CPS1: variants seen among roughly 807,000 people sequenced by gnomAD.
The protein encoded by CPS1 is carbamoyl-phosphate synthase 1.
In CPS1, 109 loss-of-function variants were observed where a neutral mutation model predicts 174.6. That is an observed-to-expected ratio of 0.62 (90% CI 0.53 to 0.73). The LOEUF (loss-of-function observed/expected upper bound fraction) is 0.73. Ranked by LOEUF, CPS1 falls within the 30% of genes least tolerant of loss-of-function variation. The pLI is 0.00. For synonymous variants in CPS1, 637 were observed against 632.0 expected, an observed-to-expected ratio of 1.01 and a Z score of -0.12; for missense variants, 1,689 against 1,821.9, an observed-to-expected ratio of 0.93 and a Z score of 1.33.
intron 28 of CPS1, among the ~76,000 whole-genome samples, chr2:210,651,969 T>A (rs1389195189): frequency 6.6e-6 from 1 of 152,196 alleles, no homozygotes; most frequent in African/African-American, 2.4e-5. Context: ...TACAATTAAA[T>A]ATGATGAGCA....
chr2:210,620,687 A>G (rs1208491740), intron 21 of CPS1, among the ~76,000 whole-genome samples: 1 of 152,012 alleles, frequency 6.6e-6, no homozygotes, highest in Non-Finnish European at 1.5e-5. Context: ...GGGAGGTGCC[A>G]CATACTTTCA....
At chr2:210,641,930 C>A (rs569245881) in intron 24 of CPS1, among the ~76,000 whole-genome samples, 1 of 152,298 alleles carries the variant, frequency 6.6e-6, no homozygotes, top group South Asian at 2.1e-4. Flanking sequence ...GAAGGTCACT[C>A]ACTCTGCATG....
At chr2:210,578,656 G>A (rs1168612563) in intron 4 of CPS1, among the ~76,000 whole-genome samples, 1 of 152,014 alleles carries the variant, frequency 6.6e-6, no homozygotes, top group Non-Finnish European at 1.5e-5. Context: ...CTTGATCCTG[G>A]CTCTTTAGAT....
chr2:210,607,075 A>C (rs745613061), intron 18 of CPS1, 134 bp downstream of exon 18: 49 of 759,956 alleles, frequency 6.4e-5, no homozygotes, highest in Non-Finnish European at 1.0e-4. Context: ...CAAATCATTT[A>C]TAGCACCCTG....
intron 1 of CPS1, among the ~76,000 whole-genome samples, chr2:210,530,390 T>A (rs1390696501): frequency 2.0e-5 from 3 of 152,094 alleles, no homozygotes; most frequent in Non-Finnish European, 4.4e-5. Context: ...ATAAAATTAT[T>A]CACTATTTTC....
chr2:210,514,956 CAT>C, intron 1 of CPS1, among the ~76,000 whole-genome samples: 1 of 150,930 alleles, frequency 6.6e-6, no homozygotes, highest in East Asian at 1.9e-4. Context: ...TTACAATGAT[CAT>C]ATGTTTTGTT....
intron 1 of CPS1, among the ~76,000 whole-genome samples, chr2:210,530,710 C>T (rs534268427): frequency 1.0e-3 from 154 of 152,084 alleles, no homozygotes; most frequent in Non-Finnish European, 1.5e-3. Context: ...ACTGCAGCAT[C>T]GTAAATACTG....
intron 11 of CPS1, 37 bp from the exon 12 acceptor site, chr2:210,594,471 T>C (rs770872815): frequency 2.8e-6 from 4 of 1,434,264 alleles, no homozygotes; most frequent in Admixed American, 1.7e-5. Context: ...CTTAGGAATT[T>C]TGAAGCTTCT....
At chr2:210,509,475 T>C (rs910838313) in intron 1 of CPS1, among the ~76,000 whole-genome samples, 2 of 152,160 alleles carry the variant, frequency 1.3e-5, no homozygotes, top group Admixed American at 6.5e-5. Flanking sequence ...TGGCACATGA[T>C]AGGGATGCCC....
Position 210,556,686 on chromosome 2 carries a change from TC to T in CPS1, c.-47del, listed in dbSNP as rs1176088447. ...AACTAAAAAGTCTTATCACACAATC[TC>T]ATAAAATTTATGTAATTTCATTTAA... On this transcript the variant is annotated 5_prime_UTR_variant, in exon 1 of 38. Coordinates refer to ENST00000233072, the MANE Select transcript of CPS1 (RefSeq NM_001875.5). The T allele has an allele frequency of 6.2e-7, 1 of 1,608,762 alleles. No individual in the cohort carries two copies. Among genetic ancestry groups the T allele is most frequent in the East Asian group, 2.2e-5 (1 of 44,796 alleles).
At chr2:210,642,023 A>C (rs568517906) in intron 24 of CPS1, among the ~76,000 whole-genome samples, 107 of 152,286 alleles carry the variant, frequency 7.0e-4, no homozygotes, top group African/African-American at 2.5e-3. Context: ...GCTGCAAGGC[A>C]CCTCAGGGAT....
chr2:210,546,327 A>G (rs1696564287), intron 1 of CPS1, among the ~76,000 whole-genome samples: 1 of 152,162 alleles, frequency 6.6e-6, no homozygotes, highest in African/African-American at 2.4e-5. Context: ...TTTAGATCAC[A>G]CAACGTGAAT....
intron 1 of CPS1, among the ~76,000 whole-genome samples, chr2:210,559,237 T>C (rs1697020447): frequency 6.6e-6 from 1 of 152,084 alleles, no homozygotes; most frequent in Non-Finnish European, 1.5e-5. Flanking sequence ...TAAAGGTTAG[T>C]AGCATTATGT....
At chr2:210,668,362 G>A (rs1409461464) in intron 34 of CPS1, 78 bp downstream of exon 34, 3 of 967,494 alleles carry the variant, frequency 3.1e-6, no homozygotes, top group Non-Finnish European at 5.1e-6. Flanking sequence ...TGTTAATTGT[G>A]GTATAGAGGA....
At position 210,590,098 on chromosome 2, in the gene CPS1, T is replaced by C; in HGVS notation, c.712-8T>C. ...ATTAAATTCATCATTCTTGTGTCTCTTTTCCAGCGAGGAGCTGAAGTGCAC... is the reference window on the plus strand; with the variant it reads ...ATTAAATTCATCATTCTTGTGTCTCCTTTCCAGCGAGGAGCTGAAGTGCAC... On this transcript the variant is annotated splice_polypyrimidine_tract_variant and splice_region_variant and intron_variant, in intron 7 of 37. Coordinates refer to ENST00000233072, the MANE Select transcript of CPS1 (RefSeq NM_001875.5). 1 of 1,612,452 alleles carries C rather than the reference T, an allele frequency of 6.2e-7. No homozygotes were observed. The highest frequency in any genetic ancestry group is 2.2e-5 in the East Asian group (1 of 44,830).
At chr2:210,578,536 A>G (rs1012038406) in intron 4 of CPS1, among the ~76,000 whole-genome samples, 1 of 152,030 alleles carries the variant, frequency 6.6e-6, no homozygotes, top group African/African-American at 2.4e-5. Flanking sequence ...TTTTTGTTCA[A>G]CTGCTGGGCC....
rs80261173 is a variant in CPS1, at chr2:210,599,449, G to A, written c.1437G>A (p.Ala479=). ...CCAATGAGGTGGGCTTAAAGCAAGC[G>A]GATACTGTCTACTTTCTTCCCATCA... ...VQTNEVGLKQ[A]DTVYFLPITP... Residue 479 remains alanine, a synonymous_variant, in exon 14 of 38, where the codon GCG becomes GCA. Transcript: ENST00000233072. 2.1e-4 allele frequency: 343 copies of A among 1,612,528 alleles called. 3 individuals carry two copies. In the African/African-American group the frequency reaches 3.4e-3, roughly 16 times the overall value.
intron 1 of CPS1, among the ~76,000 whole-genome samples, chr2:210,543,323 C>T (rs1354270572): frequency 6.6e-6 from 1 of 152,048 alleles, no homozygotes; most frequent in Non-Finnish European, 1.5e-5. Flanking sequence ...TGTTAACATG[C>T]CCTGCCAACA....
intron 25 of CPS1, among the ~76,000 whole-genome samples, chr2:210,647,278 GA>G (rs1278963951): frequency 6.6e-6 from 1 of 152,148 alleles, no homozygotes; most frequent in East Asian, 1.9e-4. Context: ...TTGTTAGTGG[GA>G]AAATACCTAG....
Sources: allele counts gnomAD v4.1 joint callset (sites outside exome capture counted in the v4.1 genomes callset), GRCh38; gene constraint gnomAD v4.1.1; transcripts MANE v1.5; gene names NCBI Gene and HGNC (gene_info 2026-07-23, HGNC 2026-07-21).